Variants in POPDC1 observed in about 807,000 individuals in gnomAD.
POPDC1 encodes the protein popeye domain-containing protein 1.
At chr6:105,130,809 T>C in the POPDC1 span, among the ~76,000 whole-genome samples, 2 of 152,178 alleles carry the variant, frequency 1.3e-5, no homozygotes, top group African/African-American at 2.4e-5. Flanking sequence ...TGTGGTACTA[T>C]ATTATGGGAC....
chr6:105,101,315 G>C, the POPDC1 span: 1 of 1,265,594 alleles, frequency 7.9e-7, no homozygotes. Flanking sequence ...AAAACTGTAG[G>C]AATCTATCAC....
the POPDC1 span, chr6:105,098,798 C>T: frequency 2.0e-5 from 3 of 152,184 alleles, no homozygotes; most frequent in Non-Finnish European, 2.9e-5. Flanking sequence ...TGTCATTCAC[C>T]TTTGCTTCAT....
At chr6:105,133,098 A>G in the POPDC1 span, among the ~76,000 whole-genome samples, 1 of 152,242 alleles carries the variant, frequency 6.6e-6, no homozygotes, top group Non-Finnish European at 1.5e-5. Flanking sequence ...ACTCTTACAC[A>G]TGAATGAATG....
chr6:105,133,538 C>T, the POPDC1 span: 1 of 1,613,614 alleles, frequency 6.2e-7, no homozygotes, highest in East Asian at 2.2e-5. Flanking sequence ...AAACCTATGG[C>T]AGTTGATTCT....
chr6:105,129,370 A>G, the POPDC1 span: 1 of 1,593,196 alleles, frequency 6.3e-7, no homozygotes, highest in Non-Finnish European at 8.6e-7. Flanking sequence ...AATTAATTTT[A>G]ATAATTACCG....
At chr6:105,126,126 T>C in the POPDC1 span, among the ~76,000 whole-genome samples, 1 of 151,870 alleles carries the variant, frequency 6.6e-6, no homozygotes. Context: ...CTCAGGAGGC[T>C]GAGGCTGGTG....
chr6:105,105,952 C>T, the POPDC1 span, among the ~76,000 whole-genome samples: 1 of 152,140 alleles, frequency 6.6e-6, no homozygotes, highest in Non-Finnish European at 1.5e-5. Context: ...TGTAGAGGGG[C>T]AAATAATTTC....
At chr6:105,103,126 G>A in the POPDC1 span, among the ~76,000 whole-genome samples, 9 of 152,076 alleles carry the variant, frequency 5.9e-5, no homozygotes, top group African/African-American at 1.2e-4. Flanking sequence ...CTATCTGTGC[G>A]ACCTTGGACA....
chr6:105,136,992 C>G, the POPDC1 span: 1 of 152,166 alleles, frequency 6.6e-6, no homozygotes. Flanking sequence ...GGCGGGGAGC[C>G]TGGGCAGCGC....
chr6:105,122,366 C>G, the POPDC1 span, among the ~76,000 whole-genome samples: 137,181 of 152,262 alleles, frequency 0.9, 62,243 homozygotes, highest in Non-Finnish European at 0.96. Context: ...TGGAATCTTT[C>G]TAATTACCGG....
At chr6:105,098,282 C>T in the POPDC1 span, 5 of 152,174 alleles carry the variant, frequency 3.3e-5, no homozygotes, top group African/African-American at 1.2e-4. Context: ...TTTCTGTCTT[C>T]TTATCTGCTT....
the POPDC1 span, chr6:105,099,511 CCAAT>C: frequency 2.0e-5 from 3 of 152,334 alleles, no homozygotes; most frequent in Admixed American, 2.0e-4. Flanking sequence ...ACCAGCATGG[CCAAT>C]CAATGAGCTT....
At chr6:105,133,246 TTGGCTTG>T in the POPDC1 span, 1 of 857,144 alleles carries the variant, frequency 1.2e-6, no homozygotes, top group Non-Finnish European at 1.8e-6. Flanking sequence ...CTTACATTTT[TTGGCTTG>T]CTATGGGCCT....
At chr6:105,116,538 A>G in the POPDC1 span, among the ~76,000 whole-genome samples, 1 of 152,228 alleles carries the variant, frequency 6.6e-6, no homozygotes, top group Non-Finnish European at 1.5e-5. Context: ...AAGTAACAGC[A>G]AATCTAATCA....
chr6:105,099,150 T>G, the POPDC1 span: 1 of 152,254 alleles, frequency 6.6e-6, no homozygotes, highest in Non-Finnish European at 1.5e-5. Context: ...TGAGCCACTG[T>G]GTCCAGTCGA....
chr6:105,103,038 T>C, the POPDC1 span, among the ~76,000 whole-genome samples: 1 of 152,232 alleles, frequency 6.6e-6, no homozygotes, highest in South Asian at 2.1e-4. Context: ...GGCGAGTTCT[T>C]CCCCTTTCCC....
the POPDC1 span, chr6:105,100,580 ATGTGTGTGTGTG>A: frequency 7.8e-6 from 1 of 128,076 alleles, no homozygotes; most frequent in Non-Finnish European, 1.6e-5. Context: ...GTATGTATGT[ATGTGTGTGTGTG>A]TGTGTGTGTG....
chr6:105,115,256 T>A, the POPDC1 span, among the ~76,000 whole-genome samples: 1 of 152,138 alleles, frequency 6.6e-6, no homozygotes, highest in South Asian at 2.1e-4. Flanking sequence ...CCGGCTAATT[T>A]TTTTTGTATT....
chr6:105,124,367 G>C, the POPDC1 span, among the ~76,000 whole-genome samples: 26 of 134,684 alleles, frequency 1.9e-4, no homozygotes, highest in Non-Finnish European at 6.2e-5. Flanking sequence ...GGGCGACAGT[G>C]CAAGACTCCG....
Sources: allele counts gnomAD v4.1 joint callset (sites outside exome capture counted in the v4.1 genomes callset), GRCh38; gene constraint gnomAD v4.1.1; transcripts MANE v1.5; gene names NCBI Gene and HGNC (gene_info 2026-07-23, HGNC 2026-07-21).